CDIP1: variants seen among roughly 807,000 people sequenced by gnomAD.
CDIP1 encodes cell death inducing p53 target 1.
Under a neutral mutation model 17.7 loss-of-function variants are expected in CDIP1, and 9 were observed. That is an observed-to-expected ratio of 0.51 (90% CI 0.31 to 0.89). The LOEUF is 0.89. Ranked by LOEUF, CDIP1 falls within the 40% of genes least tolerant of loss-of-function variation. The probability of loss-of-function intolerance (pLI) is 0.05; values close to 1 mark genes in which losing one functional copy is unlikely to be tolerated. For synonymous variants in CDIP1, 117 were observed against 109.5 expected (o/e 1.07, Z -0.43); for missense variants, 263 against 277.9 (o/e 0.95, Z 0.38).
chr16:4,533,289 G>C (rs962040418), intron 1 of CDIP1: 4 of 152,304 alleles, frequency 2.6e-5, no homozygotes, highest in African/African-American at 9.6e-5. Flanking sequence ...TGCAGAATTA[G>C]AAAGTTGTGA....
At chr16:4,537,555 T>C (rs934209244) in intron 1 of CDIP1, among the ~76,000 whole-genome samples, 13 of 152,148 alleles carry the variant, frequency 8.5e-5, no homozygotes, top group African/African-American at 2.9e-4. Flanking sequence ...AGAAACACTA[T>C]GGAACGTCCC....
intron 1 of CDIP1, among the ~76,000 whole-genome samples, chr16:4,523,642 C>T (rs117024333): frequency 1.3e-5 from 2 of 152,180 alleles, no homozygotes; most frequent in South Asian, 2.1e-4. Context: ...CCAGTGGTAT[C>T]GAGAAAGTCC....
intron 1 of CDIP1, among the ~76,000 whole-genome samples, chr16:4,529,388 C>T (rs1250153151): frequency 6.6e-6 from 1 of 152,196 alleles, no homozygotes; most frequent in African/African-American, 2.4e-5. Context: ...GACACAGCCC[C>T]GGCCTCCCAA....
In CDIP1 at chr16:4,519,157, A is replaced by G. The variant is rs540089531; in HGVS notation, c.-104-4493T>C. On this transcript the variant is annotated intron_variant, in intron 1 of 5. Coordinates refer to ENST00000567695, the MANE Select transcript of CDIP1 (RefSeq NM_013399.3). ...AAGACCAGAGGCCTCTGCAAAGTCT[A>G]CCCCTCCACACCCTCTGGGTTCTGT... Among the ~76,000 whole-genome samples the G allele has an allele frequency of 5.9e-5, 9 of 152,210 alleles. No homozygotes were observed. In the South Asian group the frequency reaches 1.9e-3, roughly 32 times the overall value.
chr16:4,529,503 C>T (rs1235275365), intron 1 of CDIP1, among the ~76,000 whole-genome samples: 1 of 152,128 alleles, frequency 6.6e-6, no homozygotes, highest in Admixed American at 6.5e-5. Context: ...ATGAAGGAAG[C>T]ACAGACAGGA....
intron 1 of CDIP1, among the ~76,000 whole-genome samples, chr16:4,527,853 G>C (rs1388220098): frequency 6.6e-6 from 1 of 152,122 alleles, no homozygotes; most frequent in Non-Finnish European, 1.5e-5. Context: ...TCTCGCTCTT[G>C]TTGCCCAGGC....
chr16:4,535,708 G>A (rs2059099721), intron 1 of CDIP1, among the ~76,000 whole-genome samples: 1 of 152,256 alleles, frequency 6.6e-6, no homozygotes, highest in Non-Finnish European at 1.5e-5. Context: ...TAGGAGAAGT[G>A]GTGACCGGGG....
chr16:4,521,888 G>A lies in CDIP1; in HGVS notation c.-104-7224C>T, dbSNP rs1026562252. Reference sequence around the variant, plus strand: ...GTTGAAGAGAGACTGTGTGTGAAACGCCTGCAGCAGAAACGCTGGGCCTAG... The same window carrying A: ...GTTGAAGAGAGACTGTGTGTGAAACACCTGCAGCAGAAACGCTGGGCCTAG... On this transcript the variant is annotated intron_variant, in intron 1 of 5. Transcript: ENST00000567695. Among the ~76,000 whole-genome samples the A allele has an allele frequency of 2.0e-4, 30 of 152,186 alleles. No homozygotes were observed. The East Asian group carries it at 4.6e-3, about 23-fold the overall frequency.
At chr16:4,537,428 C>T (rs901843234) in intron 1 of CDIP1, among the ~76,000 whole-genome samples, 10 of 152,214 alleles carry the variant, frequency 6.6e-5, no homozygotes, top group Non-Finnish European at 1.5e-4. Flanking sequence ...ACGCCTCCCT[C>T]CACCCAGTTC....
chr16:4,512,540 G>T lies in CDIP1; in HGVS notation c.*32C>A. Reference sequence around the variant, plus strand: ...GGAGCAAAGCACAGGGGGCCAGACTGACAGGCGGGGGAGTCCCGAGTCCCA... The same window carrying T: ...GGAGCAAAGCACAGGGGGCCAGACTTACAGGCGGGGGAGTCCCGAGTCCCA... On this transcript the variant is annotated 3_prime_UTR_variant, in exon 6 of 6. Transcript: ENST00000567695. The surrounding 1 kb of genome is among the most constrained non-coding windows in gnomAD (Gnocchi z 4.6). The T allele has an allele frequency of 6.7e-7, 1 of 1,501,970 alleles. No homozygotes were observed. The highest frequency in any genetic ancestry group is 9.3e-7 in the Non-Finnish European group (1 of 1,078,216). The allele number at this position is 1,501,970 out of a possible 1,614,324, so 93.0% of individuals were successfully genotyped here.
chr16:4,511,591 C>G lies in CDIP1; in HGVS notation c.*981G>C, dbSNP rs1355622437. ...CAGGAGCAGGTGTGAGCAGGCACAG[C>G]AACAGCCTGTCAGCTGGGGTGAGGG... is the stretch of plus-strand genomic sequence containing the variant. On this transcript the variant is annotated 3_prime_UTR_variant, in exon 6 of 6. Transcript: ENST00000567695. 1 of 152,342 alleles carries G rather than the reference C, an allele frequency of 6.6e-6. No homozygotes were observed. The highest frequency in any genetic ancestry group is 2.1e-4 in the South Asian group (1 of 4,828). The allele number at this position is 152,342 out of a possible 1,614,324, so 9.4% of individuals were successfully genotyped here. A position where few individuals can be genotyped will look rare whatever the true frequency, so the allele number is the denominator to read the frequency against.
intron 1 of CDIP1, among the ~76,000 whole-genome samples, chr16:4,530,905 C>T (rs2059049946): frequency 6.6e-6 from 1 of 152,074 alleles, no homozygotes. Context: ...CAGTTTTTGC[C>T]TAAGTTCCTG....
intron 1 of CDIP1, among the ~76,000 whole-genome samples, chr16:4,518,331 C>G (rs1386859143): frequency 4.6e-5 from 7 of 152,212 alleles, no homozygotes. Context: ...GGTGTAAGCC[C>G]ACAGGGCATA....
chr16:4,516,059 G>A (rs1360839470), intron 1 of CDIP1, among the ~76,000 whole-genome samples: 2 of 152,152 alleles, frequency 1.3e-5, no homozygotes, highest in African/African-American at 4.8e-5. Context: ...AAACAAAACC[G>A]TAGGCTGCCC....
chr16:4,525,038 C>A (rs2058985936), intron 1 of CDIP1, among the ~76,000 whole-genome samples: 1 of 152,056 alleles, frequency 6.6e-6, no homozygotes, highest in Admixed American at 6.5e-5. Flanking sequence ...GGATTCTAGG[C>A]TACAAAGAGC....
chr16:4,532,491 T>C (rs766149839), intron 1 of CDIP1: 3 of 152,306 alleles, frequency 2.0e-5, no homozygotes, highest in Non-Finnish European at 2.9e-5. Flanking sequence ...ACACTCCGTG[T>C]TGGAGGATGG....
rs1326305013 is a variant in CDIP1 at position 4,512,448 on chromosome 16, A to C, written c.*124T>G. 2 of 721,120 alleles carry C rather than the reference A, an allele frequency of 2.8e-6. No homozygotes were observed. The highest frequency in any genetic ancestry group is 4.2e-5 in the Admixed American group (2 of 47,834). The allele number at this position is 721,120 out of a possible 1,614,324, so 44.7% of individuals were successfully genotyped here. A position where few individuals can be genotyped will look rare whatever the true frequency, so the allele number is the denominator to read the frequency against. On this transcript the variant is annotated 3_prime_UTR_variant, in exon 6 of 6. Coordinates refer to ENST00000567695, the MANE Select transcript of CDIP1 (RefSeq NM_013399.3). The surrounding 1 kb of genome is among the most constrained non-coding windows in gnomAD (Gnocchi z 4.6). ...GGTAGGGCAGGGTGAAGAGGACAGG[A>C]CTTCTAGGGGATGGTGGCACGGCTC...
chr16:4,518,036 C>G (rs537721608), intron 1 of CDIP1, among the ~76,000 whole-genome samples: 1 of 152,336 alleles, frequency 6.6e-6, no homozygotes, highest in South Asian at 2.1e-4. Flanking sequence ...AGTGGTCTTG[C>G]TCATCGGGGA....
chr16:4,531,791 T>A (rs1433739357), intron 1 of CDIP1, among the ~76,000 whole-genome samples: 1 of 152,228 alleles, frequency 6.6e-6, no homozygotes, highest in Non-Finnish European at 1.5e-5. Flanking sequence ...TACACTTGAG[T>A]GGGATCTCAC....
Sources: allele counts gnomAD v4.1 joint callset (sites outside exome capture counted in the v4.1 genomes callset), GRCh38; gene constraint gnomAD v4.1.1; non-coding constraint Gnocchi (gnomAD v3.1); transcripts MANE v1.5; gene names NCBI Gene and HGNC (gene_info 2026-07-23, HGNC 2026-07-21).